EDDM13: variants seen among roughly 807,000 people sequenced by gnomAD.
The protein encoded by EDDM13 is epididymal protein 13.
EDDM13 carries 24 observed loss-of-function variants against 17.8 expected under a neutral mutation model. The observed-to-expected ratio is 1.35, with a 90% CI of 0.98 to 1.90. The LOEUF (loss-of-function observed/expected upper bound fraction) is 1.90, where lower values mean the gene tolerates loss of function less well. Among genes scored for constraint, EDDM13 ranks in the 40% most tolerant of loss-of-function variants. The pLI is 0.00. For synonymous variants in EDDM13, 31 were observed against 37.5 expected, an observed-to-expected ratio of 0.83 and a Z score of 0.63; for missense variants, 97 against 100.8, an observed-to-expected ratio of 0.96 and a Z score of 0.16.
At chr19:56,286,444 CCAT>C (rs2039132536) in intron 6 of EDDM13, 1 of 151,938 alleles carries the variant, frequency 6.6e-6, no homozygotes, top group Non-Finnish European at 1.5e-5. Context: ...CCCACACCTC[CCAT>C]TCTTCAAATG....
At chr19:56,293,357 G>T (rs558050703) in intron 9 of EDDM13, among the ~76,000 whole-genome samples, 1 of 152,180 alleles carries the variant, frequency 6.6e-6, no homozygotes, top group Non-Finnish European at 1.5e-5. Flanking sequence ...GATCCCAAAC[G>T]GTGCTATTAA....
In EDDM13 at chr19:56,304,743, T is replaced by C. The variant is rs1017593603; in HGVS notation, c.424-50T>C. On this transcript the variant is annotated intron_variant, in intron 13 of 14. Transcript: ENST00000649256. ...GAGGTAAGGAAGGAATTCACTCGCC[T>C]CACCCCAACTGTTTCTTTCTCTGTT... The C allele has an allele frequency of 9.2e-6, 9 of 982,060 alleles. No individual in the cohort carries two copies. The African/African-American group carries it at 1.4e-4, about 15-fold the overall frequency. 60.8% of individuals were successfully genotyped at this position (982,060 alleles called of 1,614,324 possible).
intron 2 of EDDM13, among the ~76,000 whole-genome samples, chr19:56,276,506 CTT>C (rs3059506): frequency 2.1e-5 from 3 of 139,726 alleles, no homozygotes; most frequent in African/African-American, 5.2e-5. Context: ...CTAAAGAGCT[CTT>C]TTTTTTTTTT....
rs148518127 is a variant in EDDM13, at chr19:56,304,375, T to A, written c.424-418T>A. 2.3e-4 allele frequency among the ~76,000 whole-genome samples: 35 copies of A among 152,344 alleles called. 1 individual carries two copies. The East Asian group carries it at 6.2e-3, about 27-fold the overall frequency. Reference sequence around the variant, plus strand: ...TTGCCACCCAGGAGACACTCAGCAGTGTCTGGACCACAGGATTGGTTGTGA... The same window carrying A: ...TTGCCACCCAGGAGACACTCAGCAGAGTCTGGACCACAGGATTGGTTGTGA... On this transcript the variant is annotated intron_variant, in intron 13 of 14. Transcript: ENST00000649256.
At chr19:56,279,888 A>G (rs1245949797) in intron 2 of EDDM13, among the ~76,000 whole-genome samples, 1 of 152,166 alleles carries the variant, frequency 6.6e-6, no homozygotes, top group Non-Finnish European at 1.5e-5. Context: ...TCAATTAACA[A>G]AACAGTATTT....
At chr19:56,301,320 T>C (rs1199065382) in intron 12 of EDDM13, among the ~76,000 whole-genome samples, 1 of 152,158 alleles carries the variant, frequency 6.6e-6, no homozygotes, top group Non-Finnish European at 1.5e-5. Flanking sequence ...TTCCTGGAGC[T>C]GAGGGTGCCT....
At chr19:56,273,688 C>T (rs1238775336) in intron 1 of EDDM13, among the ~76,000 whole-genome samples, 1 of 151,990 alleles carries the variant, frequency 6.6e-6, no homozygotes, top group South Asian at 2.1e-4. Context: ...GTGTCAGGAA[C>T]GTGGTAGGCA....
At chr19:56,308,993 C>A (rs1220539345) in intron 14 of EDDM13, among the ~76,000 whole-genome samples, 4 of 152,198 alleles carry the variant, frequency 2.6e-5, no homozygotes, top group Non-Finnish European at 5.9e-5. Context: ...GTCATATGGT[C>A]TGTTGCAACT....
chr19:56,293,531 T>C (rs1034815070), intron 9 of EDDM13, among the ~76,000 whole-genome samples: 1 of 152,196 alleles, frequency 6.6e-6, no homozygotes, highest in African/African-American at 2.4e-5. Context: ...GTGTGCACTG[T>C]GGGCGCCGGT....
chr19:56,303,787 T>TGGCCACGGGCAGCC (rs1194830244), intron 13 of EDDM13, among the ~76,000 whole-genome samples: 23 of 149,422 alleles, frequency 1.5e-4, no homozygotes, highest in African/African-American at 5.8e-4. Flanking sequence ...TGAGCAGCCA[T>TGGCCACGGGCAGCC]GGCCACGGGC....
intron 2 of EDDM13, among the ~76,000 whole-genome samples, chr19:56,279,892 A>T (rs974371014): frequency 6.6e-6 from 1 of 152,168 alleles, no homozygotes; most frequent in Non-Finnish European, 1.5e-5. Flanking sequence ...TTAACAAAAC[A>T]GTATTTACAT....
At chr19:56,302,145 G>C in intron 13 of EDDM13, 50 bp downstream of exon 13, 7 of 1,216,088 alleles carry the variant, frequency 5.8e-6, no homozygotes, top group Non-Finnish European at 7.2e-6. Context: ...AGGAAGGAAA[G>C]AGGAGGGAAG....
chr19:56,300,028 T>C (rs901501423), intron 12 of EDDM13: 3 of 152,196 alleles, frequency 2.0e-5, no homozygotes, highest in Admixed American at 6.5e-5. Context: ...TCATTTTTTA[T>C]AGATGTGATT....
intron 3 of EDDM13, among the ~76,000 whole-genome samples, chr19:56,281,941 G>T (rs1384606686): frequency 6.6e-6 from 1 of 152,192 alleles, no homozygotes; most frequent in Non-Finnish European, 1.5e-5. Flanking sequence ...CTAAAACTGG[G>T]TGTGCTGTCA....
chr19:56,294,044 C>T (rs936757055), intron 9 of EDDM13, among the ~76,000 whole-genome samples: 6 of 152,192 alleles, frequency 3.9e-5, no homozygotes, highest in African/African-American at 1.4e-4. Context: ...TTTCCCAGGC[C>T]CTTCTCCAGC....
chr19:56,280,347 C>T (rs2038597563), intron 2 of EDDM13, among the ~76,000 whole-genome samples: 1 of 152,162 alleles, frequency 6.6e-6, no homozygotes, highest in Admixed American at 6.6e-5. Flanking sequence ...TGACCAGTCA[C>T]ATACTAATGG....
chr19:56,300,005 A>G (rs1314118702), intron 12 of EDDM13: 1 of 152,192 alleles, frequency 6.6e-6, no homozygotes, highest in Non-Finnish European at 1.5e-5. Flanking sequence ...TTGTGAAGAA[A>G]GAAAGATGAG....
intron 6 of EDDM13, among the ~76,000 whole-genome samples, 139 bp from the exon 7 acceptor site, chr19:56,288,246 G>A (rs1416416356): frequency 6.6e-6 from 1 of 152,152 alleles, no homozygotes; most frequent in East Asian, 1.9e-4. Flanking sequence ...ATGCCCCTGA[G>A]GTGGGCTCCT....
chr19:56,309,726 C>T (rs1182930410), intron 14 of EDDM13, among the ~76,000 whole-genome samples: 2 of 152,160 alleles, frequency 1.3e-5, no homozygotes, highest in East Asian at 1.9e-4. Context: ...CCTGCTCCTG[C>T]GGGGCGCGCC....
Sources: gnomAD v4.1 joint callset for allele counts (sites outside exome capture counted in the v4.1 genomes callset) on GRCh38, gnomAD v4.1.1 for gene constraint, MANE v1.5 for transcripts, NCBI Gene and HGNC (gene_info 2026-07-23, HGNC 2026-07-21) for gene names.